MAK16: variants seen among roughly 807,000 people sequenced by gnomAD.
MAK16 encodes MAK16 homolog.
Under a neutral mutation model 49.9 loss-of-function variants are expected in MAK16, and 12 were observed. The observed-to-expected ratio is 0.24, with a 90% confidence interval of 0.15 to 0.39. MAK16 has a LOEUF of 0.39. Ranked by LOEUF, MAK16 falls within the 10% of genes least tolerant of loss-of-function variation. The pLI is 1.00. For synonymous variants in MAK16, 115 were observed against 126.4 expected, an observed-to-expected ratio of 0.91 and a Z score of 0.60; for missense variants, 292 against 363.7, an observed-to-expected ratio of 0.80 and a Z score of 1.60.
chr8:33,488,941 T>G, intron 4 of MAK16, 47 bp from the exon 5 acceptor site: 1 of 1,612,970 alleles, frequency 6.2e-7, no homozygotes, highest in Non-Finnish European at 8.5e-7. Context: ...GAAAACCTAA[T>G]GAATCATTTA....
At chr8:33,497,351 AAAAC>A (rs370036948) in intron 9 of MAK16, 54 bp downstream of exon 9, 21,103 of 952,682 alleles carry the variant, frequency 0.022, 215 homozygotes, top group East Asian at 0.029. Flanking sequence ...AAAAAAAAAA[AAAAC>A]AAAAACAGGG....
rs1048954575 is a variant in MAK16 at position 33,500,087 on chromosome 8, A to G, written c.*1458A>G. The G allele has an allele frequency of 9.2e-5, 42 of 455,592 alleles. No homozygotes were observed. Among genetic ancestry groups the G allele is most frequent in the East Asian group, 8.3e-4 (21 of 25,406 alleles). The allele number at this position is 455,592 out of a possible 1,614,324, so 28.2% of individuals were successfully genotyped here. ...CTTTTGCCCATACTGTCTCGTCCTTAGCCCCAGTGACATGTGCTGATCCTC... is the reference window on the plus strand; with the variant it reads ...CTTTTGCCCATACTGTCTCGTCCTTGGCCCCAGTGACATGTGCTGATCCTC... On this transcript the variant is annotated 3_prime_UTR_variant, in exon 10 of 10. Transcript: ENST00000360128.
chr8:33,489,471 G>T lies in MAK16; in HGVS notation c.392+332G>T, dbSNP rs964235315. Among the ~76,000 whole-genome samples, 1 of 152,078 alleles carries T rather than the reference G, an allele frequency of 6.6e-6. No homozygotes were observed. The highest frequency in any genetic ancestry group is 1.5e-5 in the Non-Finnish European group (1 of 68,014). On this transcript the variant is annotated intron_variant, in intron 5 of 9. Transcript: ENST00000360128. This position sits in a 1 kb window ranked among gnomAD's most constrained non-coding sequence, Gnocchi z 4.2. ...AGCTCACTGCAACCTCCATCTCCCC[G>T]GTTGAAGCAATCCTCCCACCTCAGC...
At chr8:33,494,792 T>A (rs1808830686) in intron 6 of MAK16, among the ~76,000 whole-genome samples, 1 of 152,164 alleles carries the variant, frequency 6.6e-6, no homozygotes, top group African/African-American at 2.4e-5. Flanking sequence ...GCCCTTTTTT[T>A]TTTTAAGATG....
chr8:33,500,217 C>G lies in MAK16; in HGVS notation c.*1588C>G. ...GCTCATATGGAGATCTAAAACCCTC[C>G]ATGTTCATTTCCAGACTTGGTCAGG... On this transcript the variant is annotated 3_prime_UTR_variant, in exon 10 of 10. Transcript: ENST00000360128. 7.8e-7 allele frequency: 1 copy of G among 1,278,748 alleles called. No individual in the cohort carries two copies. Among genetic ancestry groups the G allele is most frequent in the East Asian group, 2.4e-5 (1 of 41,462 alleles). 79.2% of individuals were successfully genotyped at this position (1,278,748 alleles called of 1,614,324 possible). A position where few individuals can be genotyped will look rare whatever the true frequency, so the allele number is the denominator to read the frequency against.
chr8:33,486,378 C>A (rs1808687411), intron 1 of MAK16, among the ~76,000 whole-genome samples: 1 of 152,092 alleles, frequency 6.6e-6, no homozygotes, highest in Non-Finnish European at 1.5e-5. Flanking sequence ...TAAAGTGAGA[C>A]TCCATCTCTA....
rs1808976881 is a variant in MAK16 at position 33,499,316 on chromosome 8, T to G, written c.*687T>G. On this transcript the variant is annotated 3_prime_UTR_variant, in exon 10 of 10. Coordinates refer to ENST00000360128, the MANE Select transcript of MAK16 (RefSeq NM_032509.4). Reference sequence around the variant, plus strand: ...CCAAACAGGCTTTGATATTTTTTTTTTTTTAATTACTTTCCCCTTTTGCTT... The same window carrying G: ...CCAAACAGGCTTTGATATTTTTTTTGTTTTAATTACTTTCCCCTTTTGCTT... 1 of 1,469,530 alleles carries G rather than the reference T, an allele frequency of 6.8e-7. No individual in the cohort carries two copies. Among genetic ancestry groups the G allele is most frequent in the African/African-American group, 1.4e-5 (1 of 71,900 alleles). 91.0% of individuals were successfully genotyped at this position (1,469,530 alleles called of 1,614,324 possible). A position where few individuals can be genotyped will look rare whatever the true frequency, so the allele number is the denominator to read the frequency against.
chr8:33,498,325 T>A, intron 9 of MAK16, 107 bp from the exon 10 acceptor site: 7 of 789,580 alleles, frequency 8.9e-6, no homozygotes, highest in East Asian at 2.9e-5. Flanking sequence ...AACACAGACA[T>A]AGACAAATCA....
chr8:33,495,817 A>G (rs1298000646), intron 7 of MAK16, among the ~76,000 whole-genome samples: 4 of 141,892 alleles, frequency 2.8e-5, no homozygotes, highest in African/African-American at 5.2e-5. Flanking sequence ...CCCAAGTTCA[A>G]GCAATTCTCC....
chr8:33,488,945 T>A (rs1196021101), intron 4 of MAK16, 43 bp from the exon 5 acceptor site: 3 of 1,613,244 alleles, frequency 1.9e-6, no homozygotes, highest in Non-Finnish European at 2.5e-6. Context: ...ACCTAATGAA[T>A]CATTTACACT....
At position 33,499,338 on chromosome 8, in the gene MAK16, G is replaced by C. The variant is rs1290389410; in HGVS notation, c.*709G>C. Reference sequence around the variant, plus strand: ...TTTTTTTTAATTACTTTCCCCTTTTGCTTGATTCTTCTTCCTTGGTATCAT... The same window carrying C: ...TTTTTTTTAATTACTTTCCCCTTTTCCTTGATTCTTCTTCCTTGGTATCAT... On this transcript the variant is annotated 3_prime_UTR_variant, in exon 10 of 10. Coordinates refer to ENST00000360128, the MANE Select transcript of MAK16 (RefSeq NM_032509.4). 1.7e-6 allele frequency: 2 copies of C among 1,192,252 alleles called. No individual in the cohort carries two copies. Among genetic ancestry groups the C allele is most frequent in the African/African-American group, 1.5e-5 (1 of 66,118 alleles). 73.9% of individuals were successfully genotyped at this position (1,192,252 alleles called of 1,614,324 possible). A position where few individuals can be genotyped will look rare whatever the true frequency, so the allele number is the denominator to read the frequency against.
At position 33,489,900 on chromosome 8, in the gene MAK16, T is replaced by C. The variant is rs1808749987; in HGVS notation, c.393-385T>C. 1.3e-5 allele frequency among the ~76,000 whole-genome samples: 2 copies of C among 152,236 alleles called. 1 individual carries two copies. Among genetic ancestry groups the C allele is most frequent in the Admixed American group, 1.3e-4 (2 of 15,280 alleles). On this transcript the variant is annotated intron_variant, in intron 5 of 9. Transcript: ENST00000360128. This position sits in a 1 kb window ranked among gnomAD's most constrained non-coding sequence, Gnocchi z 4.2. Reference sequence around the variant, plus strand: ...GATCTACATAGAATGCTAAAGATGATGTCAGACTTCGACAGAAAATTCTTT... The same window carrying C: ...GATCTACATAGAATGCTAAAGATGACGTCAGACTTCGACAGAAAATTCTTT...
intron 6 of MAK16, among the ~76,000 whole-genome samples, chr8:33,493,227 C>G (rs1157532058): frequency 6.6e-6 from 1 of 152,146 alleles, no homozygotes; most frequent in Non-Finnish European, 1.5e-5. Flanking sequence ...AGTTTTGGCT[C>G]ACTGCAACCT....
At chr8:33,494,858 A>G (rs1314421107) in intron 6 of MAK16, among the ~76,000 whole-genome samples, 4 of 151,920 alleles carry the variant, frequency 2.6e-5, no homozygotes, top group Non-Finnish European at 4.4e-5. Context: ...GGCTCACTGC[A>G]AGTTCCGCCT....
At chr8:33,490,253 G>A (rs1398444828) in intron 5 of MAK16, 32 bp from the exon 6 acceptor site, 1 of 1,577,348 alleles carries the variant, frequency 6.3e-7, no homozygotes, top group Non-Finnish European at 8.7e-7. Flanking sequence ...GCACATGACA[G>A]TGGATTTTCT....
Position 33,489,378 on chromosome 8 carries a change from A to C in MAK16, c.392+239A>C. 2.3e-6 allele frequency: 1 copy of C among 441,240 alleles called. No individual in the cohort carries two copies. The highest frequency in any genetic ancestry group is 4.0e-6 in the Non-Finnish European group (1 of 250,788). The allele number at this position is 441,240 out of a possible 1,614,324, so 27.3% of individuals were successfully genotyped here. ...GTCTGAAAATCTTTCAGAAAATTTT[A>C]TTTTCTTTTTTGTTAAGACGGAGTC... On this transcript the variant is annotated intron_variant, in intron 5 of 9. Coordinates refer to ENST00000360128, the MANE Select transcript of MAK16 (RefSeq NM_032509.4). The surrounding 1 kb of genome is among the most constrained non-coding windows in gnomAD (Gnocchi z 4.2).
At chr8:33,488,167 A>G (rs1808717754) in intron 1 of MAK16, among the ~76,000 whole-genome samples, 1 of 152,048 alleles carries the variant, frequency 6.6e-6, no homozygotes, top group African/African-American at 2.4e-5. Context: ...ACCTCAGGTG[A>G]TCCGCCCAAC....
Position 33,500,298 on chromosome 8 carries a change from C to T in MAK16, c.*1669C>T. The T allele has an allele frequency of 6.2e-7, 1 of 1,613,214 alleles. No individual in the cohort carries two copies. The highest frequency in any genetic ancestry group is 8.5e-7 in the Non-Finnish European group (1 of 1,179,380). ...GGAATTACATAAGGATAATGAGGCCCAACTGAAACCAAGTTTCAGTCTGCC... is the reference window on the plus strand; with the variant it reads ...GGAATTACATAAGGATAATGAGGCCTAACTGAAACCAAGTTTCAGTCTGCC... On this transcript the variant is annotated 3_prime_UTR_variant, in exon 10 of 10. Coordinates refer to ENST00000360128, the MANE Select transcript of MAK16 (RefSeq NM_032509.4).
rs939769880 is a variant in MAK16 at position 33,499,956 on chromosome 8, T to C, written c.*1327T>C. 2 of 163,598 alleles carry C rather than the reference T, an allele frequency of 1.2e-5. No individual in the cohort carries two copies. The highest frequency in any genetic ancestry group is 4.8e-5 in the African/African-American group (2 of 41,592). 10.1% of individuals were successfully genotyped at this position (163,598 alleles called of 1,614,324 possible). A position where few individuals can be genotyped will look rare whatever the true frequency, so the allele number is the denominator to read the frequency against. ...AACTGGAAACATCTGAAATGCTCTA[T>C]TTATGTTATTATTCCTGGGAGCTTA... On this transcript the variant is annotated 3_prime_UTR_variant, in exon 10 of 10. Transcript: ENST00000360128.
Sources: gnomAD v4.1 joint callset for allele counts (sites outside exome capture counted in the v4.1 genomes callset) on GRCh38, gnomAD v4.1.1 for gene constraint, Gnocchi (gnomAD v3.1) non-coding constraint, MANE v1.5 for transcripts, NCBI Gene and HGNC (gene_info 2026-07-23, HGNC 2026-07-21) for gene names.